Variants in MYO3B observed in about 807,000 individuals in gnomAD.
MYO3B encodes the protein myosin IIIB.
In MYO3B, 156 loss-of-function variants were observed where a neutral mutation model predicts 174.6. That is an observed-to-expected ratio of 0.89 (90% CI 0.78 to 1.02). MYO3B has a LOEUF of 1.02. Ranked by LOEUF, MYO3B falls within the 50% of genes least tolerant of loss-of-function variation. The pLI is 0.00. For missense variants in MYO3B, 1,632 were observed against 1,639.4 expected (o/e 1.00, Z 0.08); for synonymous variants, 563 against 569.1 (o/e 0.99, Z 0.15).
chr2:170,600,684 A>C (rs1386584557), intron 32 of MYO3B, among the ~76,000 whole-genome samples: 1 of 152,192 alleles, frequency 6.6e-6, no homozygotes, highest in African/African-American at 2.4e-5. Context: ...CAAAAAATTT[A>C]ATTTGGCAGT....
intron 7 of MYO3B, among the ~76,000 whole-genome samples, chr2:170,269,331 A>G (rs139385191): frequency 5.6e-4 from 85 of 152,294 alleles, no homozygotes; most frequent in African/African-American, 1.9e-3. Flanking sequence ...CTTCAAAGGA[A>G]ATTTTGACTA....
rs753265274 is a variant in MYO3B at position 170,404,302 on chromosome 2, G to T, written c.2333G>T (p.Arg778Leu). Residue 778 changes from arginine (R) to leucine (L), a missense_variant, in exon 20 of 35, where the codon CGC becomes CTC. Transcript: ENST00000408978. ...GTACCCGTGGAATATGAGGACAACCGCCCGCTCTTGGACATGTTCCTCCAG... is the reference window on the plus strand; with the variant it reads ...GTACCCGTGGAATATGAGGACAACCTCCCGCTCTTGGACATGTTCCTCCAG... ...DAVPVEYEDN[R>L]PLLDMFLQKP... 3.1e-6 allele frequency: 5 copies of T among 1,613,396 alleles called. No homozygotes were observed. Among genetic ancestry groups the T allele is most frequent in the Non-Finnish European group, 3.4e-6 (4 of 1,179,698 alleles).
chr2:170,524,549 T>C (rs373131500), intron 30 of MYO3B: 1 of 440,552 alleles, frequency 2.3e-6, no homozygotes, highest in South Asian at 1.6e-5. Flanking sequence ...AATAGCATGA[T>C]CTCAGCTGAC....
At chr2:170,382,957 C>T (rs2094346349) in intron 10 of MYO3B, 116 bp from the exon 11 acceptor site, 1 of 681,752 alleles carries the variant, frequency 1.5e-6, no homozygotes, top group Admixed American at 2.2e-5. Context: ...TTTAAATGGA[C>T]TACTTTCATC....
chr2:170,541,872 G>A (rs1323712179), intron 30 of MYO3B, among the ~76,000 whole-genome samples: 3 of 151,958 alleles, frequency 2.0e-5, no homozygotes, highest in Non-Finnish European at 2.9e-5. Context: ...CTCCTTCCAG[G>A]TACTGATGTG....
chr2:170,560,002 T>G (rs1691601301), intron 32 of MYO3B, among the ~76,000 whole-genome samples: 1 of 152,194 alleles, frequency 6.6e-6, no homozygotes, highest in South Asian at 2.1e-4. Context: ...GACTCCAGAT[T>G]ATTAGCTTAC....
chr2:170,447,611 A>G (rs1683300973), intron 23 of MYO3B, among the ~76,000 whole-genome samples: 1 of 152,254 alleles, frequency 6.6e-6, no homozygotes, highest in Non-Finnish European at 1.5e-5. Flanking sequence ...TTTATAAGTT[A>G]TATAAACCAC....
At chr2:170,584,720 A>T (rs1693388423) in intron 32 of MYO3B, among the ~76,000 whole-genome samples, 1 of 152,254 alleles carries the variant, frequency 6.6e-6, no homozygotes, top group Non-Finnish European at 1.5e-5. Context: ...ACATTATTTC[A>T]AAGGGAGAAG....
chr2:170,349,813 AG>A (rs68133230), intron 8 of MYO3B: 111 of 142,090 alleles, frequency 7.8e-4, no homozygotes, highest in African/African-American at 1.7e-3. Flanking sequence ...AAAAAAAAAA[AG>A]AAAGAAAGAA....
intron 16 of MYO3B, among the ~76,000 whole-genome samples, chr2:170,393,272 C>T (rs1161809771): frequency 2.6e-5 from 4 of 151,518 alleles, no homozygotes; most frequent in Admixed American, 6.6e-5. Flanking sequence ...TTAGTAGAGA[C>T]GGGGTTTCAC....
chr2:170,344,004 G>C (rs1409276314), intron 8 of MYO3B, among the ~76,000 whole-genome samples: 2 of 152,192 alleles, frequency 1.3e-5, no homozygotes, highest in African/African-American at 2.4e-5. Context: ...TGTACTGCTG[G>C]TGTGGCAGGG....
chr2:170,248,063 C>G, intron 7 of MYO3B, among the ~76,000 whole-genome samples: 1 of 152,166 alleles, frequency 6.6e-6, no homozygotes, highest in East Asian at 1.9e-4. Flanking sequence ...CCAGCTCCCC[C>G]TCTTTCTGTG....
At chr2:170,248,854 G>A (rs1471054544) in intron 7 of MYO3B, among the ~76,000 whole-genome samples, 2 of 152,138 alleles carry the variant, frequency 1.3e-5, no homozygotes, top group Non-Finnish European at 2.9e-5. Flanking sequence ...ATATTCACAG[G>A]TTCTGGGTAT....
chr2:170,652,851 G>T, intron 34 of MYO3B, 132 bp from the exon 35 acceptor site: 1 of 917,698 alleles, frequency 1.1e-6, no homozygotes, highest in East Asian at 2.5e-5. Context: ...GAGCTACCTA[G>T]GAGCTGTCCT....
chr2:170,521,541 G>A (rs911142398), intron 30 of MYO3B, among the ~76,000 whole-genome samples: 17 of 152,230 alleles, frequency 1.1e-4, no homozygotes, highest in African/African-American at 4.1e-4. Context: ...CTTCACCTTA[G>A]AATCTCTCCT....
intron 1 of MYO3B, among the ~76,000 whole-genome samples, chr2:170,186,834 A>G (rs145509120): frequency 0.013 from 1,983 of 152,126 alleles, 18 homozygotes; most frequent in South Asian, 0.034. Context: ...GGATTTCTTC[A>G]TGGTTCAATC....
chr2:170,297,150 C>T (rs2093633915), intron 7 of MYO3B, among the ~76,000 whole-genome samples: 1 of 152,088 alleles, frequency 6.6e-6, no homozygotes, highest in Admixed American at 6.6e-5. Flanking sequence ...ATTTTTTGAT[C>T]TTCAATAAAC....
intron 32 of MYO3B, among the ~76,000 whole-genome samples, chr2:170,605,361 G>C (rs6433224): frequency 0.24 from 36,528 of 152,036 alleles, 7,672 homozygotes; most frequent in African/African-American, 0.57. Flanking sequence ...TGAAATTCCA[G>C]TGATGTGTTG....
intron 8 of MYO3B, among the ~76,000 whole-genome samples, chr2:170,347,388 G>A (rs772820003): frequency 5.3e-5 from 8 of 152,108 alleles, no homozygotes; most frequent in Non-Finnish European, 1.2e-4. Context: ...GATCACTTGA[G>A]GTCAGGAGTT....
Sources: allele counts gnomAD v4.1 joint callset (sites outside exome capture counted in the v4.1 genomes callset), GRCh38; gene constraint gnomAD v4.1.1; transcripts MANE v1.5; gene names NCBI Gene and HGNC (gene_info 2026-07-23, HGNC 2026-07-21).